CNTN3: variants seen among roughly 807,000 people sequenced by gnomAD.
The protein encoded by CNTN3 is contactin 3.
In CNTN3, 60 loss-of-function variants were observed where a neutral mutation model predicts 119.1. The ratio of observed to expected loss-of-function variants is 0.50; its 90% confidence interval spans 0.41 to 0.62. CNTN3 has a LOEUF of 0.62. Ranked by LOEUF, CNTN3 falls within the 20% of genes least tolerant of loss-of-function variation. The pLI is 0.00. For missense variants in CNTN3, 1,101 were observed against 1,242.4 expected, an observed-to-expected ratio of 0.89 and a Z score of 1.71; for synonymous variants, 450 against 438.7, an observed-to-expected ratio of 1.03 and a Z score of -0.32.
intron 1 of CNTN3, among the ~76,000 whole-genome samples, chr3:74,527,601 G>A (rs557899380): frequency 2.6e-5 from 4 of 152,018 alleles, no homozygotes; most frequent in African/African-American, 9.6e-5. Flanking sequence ...GCAAGCTAAA[G>A]GGACAAGACA....
chr3:74,551,156 G>A (rs1003319013), intron 1 of CNTN3, among the ~76,000 whole-genome samples: 1 of 152,106 alleles, frequency 6.6e-6, no homozygotes, highest in African/African-American at 2.4e-5. Flanking sequence ...CTTAGCTAAC[G>A]TCACTATCCA....
At chr3:74,287,247 A>G (rs1417058984) in intron 19 of CNTN3, among the ~76,000 whole-genome samples, 2 of 152,232 alleles carry the variant, frequency 1.3e-5, no homozygotes, top group African/African-American at 4.8e-5. Flanking sequence ...TTATTTGGGT[A>G]AGTAAACAGA....
At chr3:74,525,464 A>G (rs1333819232) in intron 1 of CNTN3, among the ~76,000 whole-genome samples, 1 of 151,836 alleles carries the variant, frequency 6.6e-6, no homozygotes, top group Non-Finnish European at 1.5e-5. Context: ...TCACGGAGAG[A>G]GGTGACATAT....
At chr3:74,391,557 C>CTTTTTTTTTTTTTTTTTT (rs554976641) in intron 5 of CNTN3, among the ~76,000 whole-genome samples, 11 of 87,028 alleles carry the variant, frequency 1.3e-4, no homozygotes, top group African/African-American at 4.7e-4. Context: ...CCCATAGTTT[C>CTTTTTTTTTTTTTTTTTT]TTTTTTTTTT....
At chr3:74,357,525 C>A (rs1703965382) in intron 11 of CNTN3, among the ~76,000 whole-genome samples, 1 of 152,074 alleles carries the variant, frequency 6.6e-6, no homozygotes, top group South Asian at 2.1e-4. Flanking sequence ...TCAGGTGATC[C>A]ACCCGCCTTG....
At chr3:74,353,322 T>C (rs1427388310) in intron 11 of CNTN3, among the ~76,000 whole-genome samples, 1 of 152,220 alleles carries the variant, frequency 6.6e-6, no homozygotes, top group African/African-American at 2.4e-5. Context: ...AGATTCTGCT[T>C]GTAAGTACCA....
chr3:74,543,837 T>C (rs1703875366), intron 1 of CNTN3, among the ~76,000 whole-genome samples: 1 of 151,918 alleles, frequency 6.6e-6, no homozygotes, highest in Non-Finnish European at 1.5e-5. Context: ...ACTGAGACAG[T>C]CGAAAAAAAG....
intron 5 of CNTN3, among the ~76,000 whole-genome samples, chr3:74,381,084 T>A (rs867906288): frequency 1.7e-4 from 26 of 149,992 alleles, no homozygotes; most frequent in South Asian, 4.2e-4. Context: ...TCTCTCTCTC[T>A]CTCACACACA....
intron 5 of CNTN3, among the ~76,000 whole-genome samples, chr3:74,415,039 T>C (rs899000893): frequency 6.6e-6 from 1 of 152,124 alleles, no homozygotes; most frequent in East Asian, 1.9e-4. Flanking sequence ...TAAATTCTGT[T>C]GAAGCACTAT....
intron 1 of CNTN3, among the ~76,000 whole-genome samples, chr3:74,581,689 T>C (rs780393478): frequency 9.2e-5 from 14 of 152,154 alleles, no homozygotes; most frequent in Admixed American, 7.2e-4. Context: ...AAGAACAAAT[T>C]TGAAAGACTT....
intron 1 of CNTN3, among the ~76,000 whole-genome samples, chr3:74,522,181 T>G (rs1559644694): frequency 1.3e-5 from 2 of 151,976 alleles, no homozygotes; most frequent in East Asian, 3.9e-4. Flanking sequence ...TATGACAACT[T>G]GAAAAATATG....
chr3:74,291,070 C>T (rs1013490698), intron 19 of CNTN3, among the ~76,000 whole-genome samples: 12 of 151,906 alleles, frequency 7.9e-5, no homozygotes, highest in African/African-American at 2.4e-4. Flanking sequence ...TCATGACAGG[C>T]CCCAGTGTGT....
At chr3:74,360,049 A>G (rs1210506163) in intron 11 of CNTN3, among the ~76,000 whole-genome samples, 1 of 152,118 alleles carries the variant, frequency 6.6e-6, no homozygotes, top group African/African-American at 2.4e-5. Context: ...TCAATTCACA[A>G]TTTTATCTTG....
At position 74,295,217 on chromosome 3, in the gene CNTN3, A is replaced by G. The variant is rs530434931; in HGVS notation, c.2421T>C (p.Ser807=). The G allele has an allele frequency of 6.2e-7, 1 of 1,608,502 alleles. No homozygotes were observed. Among genetic ancestry groups the G allele is most frequent in the African/African-American group, 1.3e-5 (1 of 74,862 alleles). Reference sequence around the variant, plus strand: ...AAGATAGGCTATTTGCAGAGACTTGAGATGGGGCCACTGTAGGCTCTGTTC... The same window carrying G: ...AAGATAGGCTATTTGCAGAGACTTGGGATGGGGCCACTGTAGGCTCTGTTC... The part of the protein sequence containing the change: ...SAEEEPTVAP[S]QVSANSLSSS... The change falls in exon 19 of 23, where the codon TCT becomes TCC. Residue 807 remains serine, a synonymous_variant. Transcript: ENST00000263665.
chr3:74,344,406 T>G (rs1424554323), intron 11 of CNTN3, among the ~76,000 whole-genome samples: 4 of 4,272 alleles, frequency 9.4e-4, no homozygotes, highest in African/African-American at 2.7e-3. Flanking sequence ...GGTTTTTTTT[T>G]TTTTTTTTTT....
intron 13 of CNTN3, among the ~76,000 whole-genome samples, chr3:74,319,682 A>C (rs1047957623): frequency 6.6e-6 from 1 of 151,970 alleles, no homozygotes; most frequent in African/African-American, 2.4e-5. Flanking sequence ...CAATTAAACT[A>C]AAGAGCTTCT....
At chr3:74,536,058 T>A (rs1703760639) in intron 1 of CNTN3, among the ~76,000 whole-genome samples, 1 of 152,116 alleles carries the variant, frequency 6.6e-6, no homozygotes, top group Admixed American at 6.6e-5. Flanking sequence ...CTGAAAGAAG[T>A]GGGACACTGA....
chr3:74,368,663 A>C (rs1335636757), intron 8 of CNTN3, among the ~76,000 whole-genome samples: 1 of 152,132 alleles, frequency 6.6e-6, no homozygotes, highest in Non-Finnish European at 1.5e-5. Context: ...TACATCAAAT[A>C]AAAGTGATTG....
intron 12 of CNTN3, among the ~76,000 whole-genome samples, chr3:74,335,690 A>G (rs1323481701): frequency 6.6e-6 from 1 of 152,098 alleles, no homozygotes; most frequent in Non-Finnish European, 1.5e-5. Flanking sequence ...TCCTGCTGAT[A>G]TATCAAAAGG....
Sources: gnomAD v4.1 joint callset for allele counts (sites outside exome capture counted in the v4.1 genomes callset) on GRCh38, gnomAD v4.1.1 for gene constraint, MANE v1.5 for transcripts, NCBI Gene and HGNC (gene_info 2026-07-23, HGNC 2026-07-21) for gene names.